BTRC: variants seen among roughly 807,000 people sequenced by gnomAD.
The protein encoded by BTRC is F-box/WD repeat-containing protein 1A.
In BTRC, 42 loss-of-function variants were observed where a neutral mutation model predicts 85.5. That is an observed-to-expected ratio of 0.49 (90% confidence interval 0.38 to 0.64). The LOEUF is 0.64. Ranked by LOEUF, BTRC falls within the 30% of genes least tolerant of loss-of-function variation. The probability of loss-of-function intolerance (pLI) is 0.00; values close to 1 mark genes in which losing one functional copy is unlikely to be tolerated. For synonymous variants in BTRC, 255 were observed against 263.3 expected, an observed-to-expected ratio of 0.97 and a Z score of 0.30; for missense variants, 594 against 743.5, an observed-to-expected ratio of 0.80 and a Z score of 2.34.
At chr10:101,355,054 A>G (rs1245854674) in intron 1 of BTRC, among the ~76,000 whole-genome samples, 3 of 152,218 alleles carry the variant, frequency 2.0e-5, no homozygotes, top group Admixed American at 6.5e-5. Flanking sequence ...TCAGGGAAAC[A>G]TGGGTACAGG....
At chr10:101,544,627 A>C (rs1484071256) in intron 13 of BTRC, among the ~76,000 whole-genome samples, 1 of 152,030 alleles carries the variant, frequency 6.6e-6, no homozygotes, top group Non-Finnish European at 1.5e-5. Flanking sequence ...ACTGGTCTTG[A>C]ACTCCTGGCC....
intron 2 of BTRC, among the ~76,000 whole-genome samples, chr10:101,445,315 G>A (rs1162392040): frequency 6.6e-6 from 1 of 152,098 alleles, no homozygotes; most frequent in Non-Finnish European, 1.5e-5. Flanking sequence ...ATGCATACAG[G>A]TAAGAAGATT....
At chr10:101,454,409 A>T (rs1393970341) in intron 2 of BTRC, among the ~76,000 whole-genome samples, 2 of 152,230 alleles carry the variant, frequency 1.3e-5, no homozygotes, top group African/African-American at 4.8e-5. Flanking sequence ...GTTAAACCTC[A>T]TTTTAAGAAT....
chr10:101,494,958 A>C (rs75538575), intron 4 of BTRC, among the ~76,000 whole-genome samples: 1 of 152,194 alleles, frequency 6.6e-6, no homozygotes, highest in African/African-American at 2.4e-5. Context: ...GTTTACAAGC[A>C]TAGGAAGAGA....
chr10:101,364,083 T>C (rs1363975553), intron 1 of BTRC, among the ~76,000 whole-genome samples: 1 of 152,140 alleles, frequency 6.6e-6, no homozygotes, highest in Non-Finnish European at 1.5e-5. Context: ...GTGACAGTAA[T>C]CTACTGCAGT....
chr10:101,486,324 G>A (rs1005885540), intron 4 of BTRC, among the ~76,000 whole-genome samples: 8 of 152,166 alleles, frequency 5.3e-5, no homozygotes, highest in Non-Finnish European at 1.2e-4. Context: ...AATGGTGGGG[G>A]CTGGAGCATT....
chr10:101,387,718 C>T (rs1294119958), intron 1 of BTRC, among the ~76,000 whole-genome samples: 1 of 150,630 alleles, frequency 6.6e-6, no homozygotes, highest in African/African-American at 2.5e-5. Flanking sequence ...GAGACGGAGT[C>T]TTGCTCTGTC....
chr10:101,358,330 C>T (rs1942102940), intron 1 of BTRC, among the ~76,000 whole-genome samples: 1 of 151,998 alleles, frequency 6.6e-6, no homozygotes. Flanking sequence ...TTTTTGAACT[C>T]CTGGGCTCAA....
intron 2 of BTRC, among the ~76,000 whole-genome samples, chr10:101,441,741 C>T (rs1352906938): frequency 3.9e-5 from 6 of 151,902 alleles, no homozygotes; most frequent in Non-Finnish European, 2.9e-5. Context: ...ATTAGCCAGG[C>T]GTGGTAGTAC....
chr10:101,378,054 T>G (rs981800057), intron 1 of BTRC, among the ~76,000 whole-genome samples: 4 of 152,206 alleles, frequency 2.6e-5, no homozygotes, highest in African/African-American at 9.7e-5. Flanking sequence ...CTACATTTAC[T>G]GATTTCATGT....
rs1194237945 is a variant in BTRC at position 101,522,014 on chromosome 10, C to CTTTTTTTTTTTT, written c.556+169_556+180dup. ...TTAACTGTACCTTTTTGATATAAAG[C>CTTTTTTTTTTTT]TTTTTTTTTTTTTTTTTTTTTTTTT... On this transcript the variant is annotated intron_variant, in intron 5 of 14. Transcript: ENST00000370187. 2 of 64,424 alleles carry CTTTTTTTTTTTT rather than the reference C, an allele frequency of 3.1e-5. 1 individual carries two copies. The highest frequency in any genetic ancestry group is 4.9e-5 in the Non-Finnish European group (2 of 41,034). 4.0% of individuals were successfully genotyped at this position (64,424 alleles called of 1,614,324 possible).
intron 1 of BTRC, among the ~76,000 whole-genome samples, chr10:101,367,005 TTTA>T (rs1942465757): frequency 2.6e-5 from 2 of 77,052 alleles, no homozygotes; most frequent in African/African-American, 9.3e-5. Context: ...AATATATATA[TTTA>T]TATATATATT....
intron 1 of BTRC, among the ~76,000 whole-genome samples, chr10:101,359,257 T>C (rs1280732545): frequency 1.3e-5 from 2 of 152,198 alleles, no homozygotes; most frequent in African/African-American, 2.4e-5. Flanking sequence ...GTGAAATTGA[T>C]TACCAGGTAG....
chr10:101,370,792 A>G (rs1942612873), intron 1 of BTRC, among the ~76,000 whole-genome samples: 1 of 151,668 alleles, frequency 6.6e-6, no homozygotes. Flanking sequence ...GGCTGGTCTC[A>G]AGCTCCTGGG....
chr10:101,371,061 A>C (rs532217140), intron 1 of BTRC, among the ~76,000 whole-genome samples: 1 of 152,292 alleles, frequency 6.6e-6, no homozygotes, highest in South Asian at 2.1e-4. Flanking sequence ...ACTGTTTTGC[A>C]TATATAATCT....
At chr10:101,474,602 C>G (rs778520224) in intron 3 of BTRC, among the ~76,000 whole-genome samples, 1 of 152,184 alleles carries the variant, frequency 6.6e-6, no homozygotes. Flanking sequence ...TCCTCCTTCC[C>G]CTGTGGTTCT....
At chr10:101,440,265 A>C (rs989724716) in intron 2 of BTRC, among the ~76,000 whole-genome samples, 2 of 152,048 alleles carry the variant, frequency 1.3e-5, no homozygotes, top group Non-Finnish European at 2.9e-5. Flanking sequence ...AAATTACAAT[A>C]CATCTTAAAA....
intron 4 of BTRC, among the ~76,000 whole-genome samples, chr10:101,491,667 A>G (rs1946137312): frequency 6.6e-6 from 1 of 152,048 alleles, no homozygotes; most frequent in African/African-American, 2.4e-5. Context: ...TCTGCACTCC[A>G]GCCTGGGTGA....
chr10:101,496,563 T>A (rs1376589717), intron 4 of BTRC, among the ~76,000 whole-genome samples: 3 of 152,088 alleles, frequency 2.0e-5, no homozygotes, highest in African/African-American at 7.2e-5. Context: ...TTACTGACTT[T>A]TTTTAAAATT....
Sources: gnomAD v4.1 joint callset for allele counts (sites outside exome capture counted in the v4.1 genomes callset) on GRCh38, gnomAD v4.1.1 for gene constraint, MANE v1.5 for transcripts, NCBI Gene and HGNC (gene_info 2026-07-23, HGNC 2026-07-21) for gene names.